ACACB: variants seen among roughly 807,000 people sequenced by gnomAD.
ACACB encodes the protein acetyl-CoA carboxylase 2.
ACACB carries 209 observed loss-of-function variants against 278.8 expected under a neutral mutation model. That is an observed-to-expected ratio of 0.75 (90% CI 0.67 to 0.84). The LOEUF (loss-of-function observed/expected upper bound fraction) is 0.84, where lower values mean the gene tolerates loss of function less well. Ranked by LOEUF, ACACB falls within the 40% of genes least tolerant of loss-of-function variation. The pLI is 0.00. For missense variants in ACACB, 2,850 were observed against 3,269.0 expected, an observed-to-expected ratio of 0.87 and a Z score of 3.13; for synonymous variants, 1,174 against 1,285.6, an observed-to-expected ratio of 0.91 and a Z score of 1.86.
At chr12:109,198,455 T>C (rs1261759091) in intron 17 of ACACB, among the ~76,000 whole-genome samples, 1 of 152,186 alleles carries the variant, frequency 6.6e-6, no homozygotes, top group Non-Finnish European at 1.5e-5. Context: ...TTGCCCAGCC[T>C]GGGCAAGAGT....
chr12:109,116,393 G>T (rs73413100), upstream of ACACB, among the ~76,000 whole-genome samples: 1,423 of 152,282 alleles, frequency 9.3e-3, 33 homozygotes, highest in African/African-American at 0.033. Context: ...TAAGAATTAT[G>T]AAATAAAGCG....
At position 109,210,103 on chromosome 12, in the gene ACACB, G is replaced by GTA. The variant is rs1172618627; in HGVS notation, c.3249+754_3249+755dup. Among the ~76,000 whole-genome samples the GTA allele has an allele frequency of 1.3e-4, 8 of 61,126 alleles. 1 individual carries two copies. Among genetic ancestry groups the GTA allele is most frequent in the South Asian group, 4.9e-4 (1 of 2,060 alleles). The allele number at this position is 61,126 out of a possible 152,430, so 40.1% of individuals were successfully genotyped here. A position where few individuals can be genotyped will look rare whatever the true frequency, so the allele number is the denominator to read the frequency against. On this transcript the variant is annotated intron_variant, in intron 21 of 52. Coordinates refer to ENST00000338432, the MANE Select transcript of ACACB (RefSeq NM_001093.4). The stretch of plus-strand genomic sequence containing the variant: ...TATGTATATATACACACATGTGTGT[G>GTA]TATATGTATATATACACGTACATGT...
chr12:109,240,383 G>A (rs1161506187), intron 35 of ACACB, among the ~76,000 whole-genome samples: 6 of 152,070 alleles, frequency 3.9e-5, no homozygotes, highest in Non-Finnish European at 7.4e-5. Flanking sequence ...ATTCTGGAAT[G>A]AAAGAAGCCC....
chr12:109,253,156 A>T lies in ACACB; in HGVS notation c.6043A>T (p.Lys2015Ter). The T allele has an allele frequency of 5.1e-6, 8 of 1,581,470 alleles. No homozygotes were observed. Among genetic ancestry groups the T allele is most frequent in the South Asian group, 1.2e-5 (1 of 84,852 alleles). Residue 2015 changes from lysine (K) to a stop codon, truncating the protein, a stop_gained and splice_region_variant, in exon 43 of 53, where the codon AAG becomes TAG. Transcript: ENST00000338432. LOFTEE classifies it high-confidence loss of function. ...TILEWLSYMP[K>*]DNHSPVPIIT... ...CCTGGAGTGGCTGTCCTATATGCCAAAGGTGCAGTACTCCCCCTGCAGCTT... is the reference window on the plus strand; with the variant it reads ...CCTGGAGTGGCTGTCCTATATGCCATAGGTGCAGTACTCCCCCTGCAGCTT...
At chr12:109,157,581 C>T (rs11065695) in intron 2 of ACACB, among the ~76,000 whole-genome samples, 102,968 of 152,036 alleles carry the variant, frequency 0.68, 38,429 homozygotes, top group Middle Eastern at 0.89. Context: ...CTTTCTTGGT[C>T]CGTTGAGACT....
chr12:109,194,512 A>ATGTG (rs370227666), intron 16 of ACACB, among the ~76,000 whole-genome samples: 9,719 of 87,522 alleles, frequency 0.11, 439 homozygotes, highest in Non-Finnish European at 0.13. Flanking sequence ...CTGTGTGTGC[A>ATGTG]TGTGTGTGTG....
chr12:109,187,751 C>T (rs985278558), intron 12 of ACACB, among the ~76,000 whole-genome samples: 2 of 151,908 alleles, frequency 1.3e-5, no homozygotes, highest in African/African-American at 2.4e-5. Context: ...TGAGCCACTG[C>T]GACTGAACCA....
intron 19 of ACACB, among the ~76,000 whole-genome samples, chr12:109,205,524 A>G (rs1593553694): frequency 6.6e-6 from 1 of 151,382 alleles, no homozygotes; most frequent in Admixed American, 6.6e-5. Flanking sequence ...ATCTTGGCTC[A>G]CTGCAACCTC....
At chr12:109,129,962 G>T (rs2042781908) in intron 1 of ACACB, among the ~76,000 whole-genome samples, 2 of 152,242 alleles carry the variant, frequency 1.3e-5, no homozygotes, top group African/African-American at 2.4e-5. Flanking sequence ...TCTATTTGGT[G>T]TTGAGTGACT....
chr12:109,121,604 G>A (rs1257351334), intron 1 of ACACB, among the ~76,000 whole-genome samples: 1 of 152,204 alleles, frequency 6.6e-6, no homozygotes, highest in African/African-American at 2.4e-5. Context: ...GTATGAGGGA[G>A]CAGCCAGCAG....
At chr12:109,201,144 G>C (rs1290264450) in intron 18 of ACACB, among the ~76,000 whole-genome samples, 1 of 152,262 alleles carries the variant, frequency 6.6e-6, no homozygotes, top group East Asian at 1.9e-4. Flanking sequence ...TCATTTCACA[G>C]AGTGTTCCCT....
intron 2 of ACACB, among the ~76,000 whole-genome samples, chr12:109,164,405 G>T (rs1056899125): frequency 3.9e-5 from 6 of 151,990 alleles, no homozygotes; most frequent in African/African-American, 1.5e-4. Context: ...GATAACTTCT[G>T]TATTTTTAGT....
chr12:109,213,008 T>A, intron 22 of ACACB, 72 bp downstream of exon 22: 10 of 1,316,564 alleles, frequency 7.6e-6, no homozygotes, highest in African/African-American at 1.4e-5. Context: ...AGGGTGGTGC[T>A]CTGGGGCTGT....
chr12:109,173,369 C>T (rs996653465), intron 6 of ACACB, among the ~76,000 whole-genome samples: 22 of 152,178 alleles, frequency 1.4e-4, no homozygotes, highest in African/African-American at 4.6e-4. Flanking sequence ...TTCTCCTTAC[C>T]GGTGGGTCTG....
chr12:109,206,894 C>T (rs773951663), intron 20 of ACACB, 38 bp downstream of exon 20: 11 of 1,612,212 alleles, frequency 6.8e-6, no homozygotes, highest in East Asian at 4.5e-5. Context: ...TAGACCAGTG[C>T]GGAGGGTCAG....
chr12:109,186,143 C>G (rs893842524), intron 12 of ACACB, among the ~76,000 whole-genome samples: 21 of 152,140 alleles, frequency 1.4e-4, no homozygotes, highest in African/African-American at 4.8e-4. Flanking sequence ...ATTGGCCAGG[C>G]TGGTCTGGAA....
chr12:109,149,861 C>T (rs2043327511), intron 2 of ACACB, among the ~76,000 whole-genome samples: 1 of 152,192 alleles, frequency 6.6e-6, no homozygotes, highest in South Asian at 2.1e-4. Context: ...CAGGGCATTC[C>T]CCATCATTTT....
Position 109,216,786 on chromosome 12 carries a change from T to C in ACACB, c.3440-10T>C, listed in dbSNP as rs2046014104. The C allele has an allele frequency of 2.5e-6, 4 of 1,613,930 alleles. No homozygotes were observed. In the Admixed American group the frequency reaches 6.7e-5, roughly 27 times the overall value. ...AGCTTTACCTCTGTGTGGTGTTTTG[T>C]CTCCCCCAGCCCACTACGACAAGTG... is the stretch of plus-strand genomic sequence containing the variant. On this transcript the variant is annotated splice_polypyrimidine_tract_variant and intron_variant, in intron 23 of 52. Coordinates refer to ENST00000338432, the MANE Select transcript of ACACB (RefSeq NM_001093.4).
At chr12:109,240,233 A>T (rs2046756042) in intron 35 of ACACB, among the ~76,000 whole-genome samples, 1 of 152,144 alleles carries the variant, frequency 6.6e-6, no homozygotes, top group Admixed American at 6.5e-5. Context: ...GTCTTTCAAA[A>T]CAAAATTTTG....
Sources: gnomAD v4.1 joint callset for allele counts (sites outside exome capture counted in the v4.1 genomes callset) on GRCh38, gnomAD v4.1.1 for gene constraint, MANE v1.5 for transcripts, NCBI Gene and HGNC (gene_info 2026-07-23, HGNC 2026-07-21) for gene names.